The following RMDN2 variants were observed in gnomAD, a reference collection of about 807,000 sequenced individuals.
The protein encoded by RMDN2 is regulator of microtubule dynamics protein 2.
Under a neutral mutation model 52.8 loss-of-function variants are expected in RMDN2, and 61 were observed. The ratio of observed to expected loss-of-function variants is 1.16; its 90% CI spans 0.94 to 1.43. The LOEUF (loss-of-function observed/expected upper bound fraction) is 1.43. Among genes scored for constraint, RMDN2 ranks in the 40% most tolerant of loss-of-function variants. The probability of loss-of-function intolerance (pLI) is 0.00; values close to 1 mark genes in which losing one functional copy is unlikely to be tolerated. For missense variants in RMDN2, 592 were observed against 475.3 expected (o/e 1.25, Z -2.28); for synonymous variants, 180 against 153.1 (o/e 1.18, Z -1.30).
downstream of RMDN2, among the ~76,000 whole-genome samples, chr2:38,022,618 A>G (rs1679475253): frequency 1.3e-5 from 2 of 152,226 alleles, no homozygotes; most frequent in Non-Finnish European, 2.9e-5. Flanking sequence ...ATAAAACATT[A>G]AAGAAGTAAC....
At chr2:38,041,805 G>T (rs954543378) in intron 10 of RMDN2, among the ~76,000 whole-genome samples, 6 of 152,104 alleles carry the variant, frequency 3.9e-5, no homozygotes, top group Admixed American at 6.5e-5. Context: ...ACCCCACTTG[G>T]GCACAGAGTA....
chr2:37,924,994 C>G (rs1013978771), upstream of RMDN2, among the ~76,000 whole-genome samples: 1 of 152,132 alleles, frequency 6.6e-6, no homozygotes, highest in Non-Finnish European at 1.5e-5. Context: ...AGAGCCGGAA[C>G]GAAGCGAGCT....
chr2:38,057,855 G>A (rs933998183), intron 10 of RMDN2, among the ~76,000 whole-genome samples: 1 of 152,214 alleles, frequency 6.6e-6, no homozygotes, highest in Admixed American at 6.5e-5. Flanking sequence ...CTTCTGCCAC[G>A]ATTGTCAGTT....
chr2:37,924,407 C>T (rs1199271862), upstream of RMDN2, among the ~76,000 whole-genome samples: 1 of 152,232 alleles, frequency 6.6e-6, no homozygotes, highest in Non-Finnish European at 1.5e-5. Context: ...GCTCTATCAC[C>T]CAGGCTGGAG....
At chr2:37,975,108 C>T in intron 3 of RMDN2, 104 bp from the exon 4 acceptor site, 2 of 697,388 alleles carry the variant, frequency 2.9e-6, no homozygotes, top group South Asian at 3.2e-5. Flanking sequence ...TCTATAAATA[C>T]CAGTTTACCT....
At chr2:37,966,407 GCT>G (rs1671058979) in intron 2 of RMDN2, among the ~76,000 whole-genome samples, 1 of 150,948 alleles carries the variant, frequency 6.6e-6, no homozygotes, top group South Asian at 2.1e-4. Context: ...ACAGAGTGAG[GCT>G]CTGTCTTAAA....
chr2:37,973,515 A>G (rs545678482), intron 2 of RMDN2, among the ~76,000 whole-genome samples: 2 of 152,212 alleles, frequency 1.3e-5, no homozygotes, highest in Non-Finnish European at 2.9e-5. Flanking sequence ...CAGCACATGT[A>G]GTAGATTAGT....
Position 37,946,678 on chromosome 2 carries a change from C to G in RMDN2, c.452+16949C>G, listed in dbSNP as rs114414021. Among the ~76,000 whole-genome samples, 868 of 152,240 alleles carry G rather than the reference C, an allele frequency of 5.7e-3. 8 individuals are homozygous for G. Among genetic ancestry groups the G allele is most frequent in the African/African-American group, 0.02 (823 of 41,538 alleles). On this transcript the variant is annotated intron_variant, in intron 2 of 10. Transcript: ENST00000354545. ...GGAGGTGGTTGCCCCATTTGAGATTCAAGACTATATACTACCAGTCTTCAC... is the reference window on the plus strand; with the variant it reads ...GGAGGTGGTTGCCCCATTTGAGATTGAAGACTATATACTACCAGTCTTCAC...
At position 37,970,308 on chromosome 2, in the gene RMDN2, G is replaced by C. The variant is rs185572332; in HGVS notation, c.453-3732G>C. Reference sequence around the variant, plus strand: ...AAAAAAAATTTTTTTGGTAATGACTGAATTGATCAGATAGGTCTCATCTGT... The same window carrying C: ...AAAAAAAATTTTTTTGGTAATGACTCAATTGATCAGATAGGTCTCATCTGT... On this transcript the variant is annotated intron_variant, in intron 2 of 10. Coordinates refer to ENST00000354545, the MANE Select transcript of RMDN2 (RefSeq NM_001170791.3). 4.6e-5 allele frequency among the ~76,000 whole-genome samples: 7 copies of C among 152,214 alleles called. No homozygotes were observed. In the East Asian group the frequency reaches 1.4e-3, roughly 29 times the overall value.
At position 37,991,951 on chromosome 2, in the gene RMDN2, A is replaced by G. The variant is rs1015984296; in HGVS notation, c.945+654A>G. 3.3e-5 allele frequency among the ~76,000 whole-genome samples: 5 copies of G among 152,256 alleles called. 1 individual carries two copies. The highest frequency in any genetic ancestry group is 4.8e-5 in the African/African-American group (2 of 41,468). ...TGAAAAAAATTATCGTGAAAGGACA[A>G]TGCCATTTTTGAATGATAAAATTGG... On this transcript the variant is annotated intron_variant, in intron 7 of 10. Coordinates refer to ENST00000354545, the MANE Select transcript of RMDN2 (RefSeq NM_001170791.3).
intron 2 of RMDN2, among the ~76,000 whole-genome samples, chr2:37,931,557 T>A (rs1241313768): frequency 1.3e-5 from 2 of 152,204 alleles, no homozygotes. Flanking sequence ...AAAGGGTGAA[T>A]GGCCTTCAAT....
chr2:37,952,280 T>A (rs1222422766), intron 2 of RMDN2: 1 of 1,312,598 alleles, frequency 7.6e-7, no homozygotes, highest in Admixed American at 2.0e-5. Context: ...CCTGTAGAAT[T>A]CATTTCTCAT....
At chr2:37,977,586 G>A (rs1264754971) in intron 4 of RMDN2, among the ~76,000 whole-genome samples, 12 of 151,348 alleles carry the variant, frequency 7.9e-5, no homozygotes. Flanking sequence ...CTGGGCGGAG[G>A]GGCTCCTCAC....
At chr2:38,065,722 CCAG>C (rs1302276959) in intron 10 of RMDN2, among the ~76,000 whole-genome samples, 1 of 152,184 alleles carries the variant, frequency 6.6e-6, no homozygotes, top group Non-Finnish European at 1.5e-5. Context: ...GGAAACTGGA[CCAG>C]CCTAAGGATG....
chr2:38,062,250 A>G (rs569070518), intron 10 of RMDN2, among the ~76,000 whole-genome samples: 8 of 152,280 alleles, frequency 5.3e-5, no homozygotes, highest in African/African-American at 1.7e-4. Flanking sequence ...TTAACCCTCG[A>G]CAACCACTGA....
intron 10 of RMDN2, among the ~76,000 whole-genome samples, chr2:38,052,191 T>A (rs768240744): frequency 6.6e-6 from 1 of 152,210 alleles, no homozygotes; most frequent in Non-Finnish European, 1.5e-5. Flanking sequence ...TTACTTTTGG[T>A]CTTTTTGATA....
chr2:38,065,489 T>C (rs747742690), intron 10 of RMDN2, among the ~76,000 whole-genome samples: 5 of 152,186 alleles, frequency 3.3e-5, no homozygotes, highest in Non-Finnish European at 7.3e-5. Flanking sequence ...TATAACATTG[T>C]CTCACCTAAA....
At chr2:37,979,644 G>A (rs570947092) in intron 4 of RMDN2, among the ~76,000 whole-genome samples, 9 of 152,070 alleles carry the variant, frequency 5.9e-5, no homozygotes, top group Non-Finnish European at 1.5e-5. Flanking sequence ...TTAAGTAATC[G>A]ATATGAATGC....
intron 7 of RMDN2, among the ~76,000 whole-genome samples, chr2:37,994,095 T>G (rs1675187477): frequency 6.6e-6 from 1 of 152,070 alleles, no homozygotes; most frequent in Non-Finnish European, 1.5e-5. Flanking sequence ...GTCCCAACAA[T>G]GATGAGTTCA....
Sources: gnomAD v4.1 joint callset for allele counts (sites outside exome capture counted in the v4.1 genomes callset) on GRCh38, gnomAD v4.1.1 for gene constraint, MANE v1.5 for transcripts, NCBI Gene and HGNC (gene_info 2026-07-23, HGNC 2026-07-21) for gene names.